The following CWC22 variants were observed in gnomAD, a reference collection of about 807,000 sequenced individuals.
The protein encoded by CWC22 is CWC22 spliceosome associated protein.
Under a neutral mutation model 117.2 loss-of-function variants are expected in CWC22, and 53 were observed. The observed-to-expected ratio is 0.45, with a 90% confidence interval of 0.36 to 0.57. The LOEUF (loss-of-function observed/expected upper bound fraction) is 0.57, where lower values mean the gene tolerates loss of function less well. Among genes scored for constraint, CWC22 ranks in the 20% least tolerant of loss-of-function variants. The pLI is 0.00. For missense variants in CWC22, 980 were observed against 1,068.8 expected (o/e 0.92, Z 1.16); for synonymous variants, 360 against 355.6 (o/e 1.01, Z -0.14).
intron 8 of CWC22, among the ~76,000 whole-genome samples, chr2:179,972,400 T>C (rs1006540273): frequency 1.6e-4 from 24 of 152,160 alleles, no homozygotes; most frequent in African/African-American, 5.8e-4. Flanking sequence ...AATAACAGCA[T>C]GATAAAATTA....
intron 1 of CWC22, among the ~76,000 whole-genome samples, chr2:180,005,370 G>A (rs1687945967): frequency 6.6e-6 from 1 of 152,184 alleles, no homozygotes; most frequent in African/African-American, 2.4e-5. Context: ...AAGGTCAGGA[G>A]ACAGACACCA....
In CWC22 at chr2:179,945,198, A is replaced by G; in HGVS notation, c.2658T>C (p.Ser886=). 1 of 1,613,566 alleles carries G rather than the reference A, an allele frequency of 6.2e-7. No homozygotes were observed. Among genetic ancestry groups the G allele is most frequent in the South Asian group, 1.1e-5 (1 of 91,016 alleles). ...TTTTCTTTGATTCTCTGGATTGTTC[A>G]GAGTATCTGCTAGATTTTTCCCATC... ...ERRWEKSSRY[S]EQSRESKKNQ... Residue 886 remains serine (S), a synonymous_variant, in exon 20 of 20, where the codon TCT becomes TCC. Coordinates refer to ENST00000410053, the MANE Select transcript of CWC22 (RefSeq NM_020943.3).
rs529010784 is a variant in CWC22, at chr2:179,983,041, C to T, written c.207-1044G>A. On this transcript the variant is annotated intron_variant, in intron 4 of 19. Coordinates refer to ENST00000410053, the MANE Select transcript of CWC22 (RefSeq NM_020943.3). ...TAAATATATAGTAATAAAACCTACA[C>T]GGAGATTGAAAAGCAGTCATCTTCC... 2.5e-3 allele frequency among the ~76,000 whole-genome samples: 385 copies of T among 152,182 alleles called. 1 individual carries two copies. Among genetic ancestry groups the T allele is most frequent in the Non-Finnish European group, 4.1e-3 (278 of 68,004 alleles).
rs902309007 is a variant in CWC22, at chr2:180,007,056, A to C, written c.-303T>G. The C allele has an allele frequency of 3.3e-5, 5 of 152,186 alleles. No individual in the cohort carries two copies. The highest frequency in any genetic ancestry group is 1.2e-4 in the African/African-American group (5 of 41,436). 9.4% of individuals were successfully genotyped at this position (152,186 alleles called of 1,614,324 possible). On this transcript the variant is annotated 5_prime_UTR_variant, in exon 1 of 20. Coordinates refer to ENST00000410053, the MANE Select transcript of CWC22 (RefSeq NM_020943.3). ...GTCTCTGCCTGCGGGGACTCCACGG[A>C]GTTCGATAATTACCTAGAGCTCCAC...
chr2:179,996,305 T>A (rs1671247021), intron 1 of CWC22, among the ~76,000 whole-genome samples: 1 of 152,122 alleles, frequency 6.6e-6, no homozygotes, highest in African/African-American at 2.4e-5. Context: ...TTTTAAAACA[T>A]ATGGAACGAT....
Position 179,986,779 on chromosome 2 carries a change from C to CG in CWC22, c.121dup (p.Arg41ProfsTer3). 1 of 1,595,550 alleles carries CG rather than the reference C, an allele frequency of 6.3e-7. No homozygotes were observed. Among genetic ancestry groups the CG allele is most frequent in the Non-Finnish European group, 8.5e-7 (1 of 1,171,932 alleles). On this transcript the variant is annotated frameshift_variant, in exon 4 of 20. Coordinates refer to ENST00000410053, the MANE Select transcript of CWC22 (RefSeq NM_020943.3). LOFTEE classifies it high-confidence loss of function. Reference sequence around the variant, plus strand: ...GCTGTAATCAAAGTAATCTCTATCCCGGGGGGATCGTTCTTGTTCTTCATA... The same window carrying CG: ...GCTGTAATCAAAGTAATCTCTATCCCGGGGGGGATCGTTCTTGTTCTTCATA...
At chr2:179,966,099 C>A in intron 11 of CWC22, 117 bp from the exon 12 acceptor site, 5 of 712,310 alleles carry the variant, frequency 7.0e-6, no homozygotes, top group Middle Eastern at 2.5e-4. Flanking sequence ...AGTTTGCTAG[C>A]CAACAAAGAT....
chr2:179,963,651 A>G (rs1686815634), intron 13 of CWC22, among the ~76,000 whole-genome samples: 2 of 151,952 alleles, frequency 1.3e-5, no homozygotes, highest in Admixed American at 6.6e-5. Flanking sequence ...CATATTTAAT[A>G]CTTTTTATGT....
intron 1 of CWC22, among the ~76,000 whole-genome samples, chr2:179,999,227 C>T (rs929622760): frequency 1.3e-5 from 2 of 152,252 alleles, no homozygotes; most frequent in East Asian, 3.9e-4. Flanking sequence ...CTAATACTTA[C>T]ACTAATCGGA....
intron 2 of CWC22, among the ~76,000 whole-genome samples, chr2:179,991,557 C>T (rs1479510300): frequency 6.6e-6 from 1 of 152,184 alleles, no homozygotes. Context: ...GGAGACCCAT[C>T]TGGGCCACAA....
intron 6 of CWC22, among the ~76,000 whole-genome samples, chr2:179,975,052 A>T (rs899496618): frequency 5.9e-5 from 9 of 152,162 alleles, no homozygotes; most frequent in Non-Finnish European, 1.2e-4. Context: ...TGGCCACTAC[A>T]TTCCATATTT....
chr2:179,988,522 C>T (rs1687476356), intron 3 of CWC22, 55 bp downstream of exon 3: 5 of 937,352 alleles, frequency 5.3e-6, no homozygotes, highest in African/African-American at 1.7e-5. Context: ...TAAATTATTA[C>T]ATAAACCTTA....
intron 13 of CWC22, among the ~76,000 whole-genome samples, chr2:179,960,582 G>T (rs1361802199): frequency 6.6e-6 from 1 of 151,832 alleles, no homozygotes. Flanking sequence ...TACTGATTTA[G>T]GTTTATACAC....
intron 5 of CWC22, among the ~76,000 whole-genome samples, chr2:179,981,123 G>C (rs1026243936): frequency 6.6e-6 from 1 of 152,166 alleles, no homozygotes; most frequent in Non-Finnish European, 1.5e-5. Flanking sequence ...ATAATTGCCA[G>C]CTTCAGTTTT....
At chr2:179,983,396 G>C (rs1337281421) in intron 4 of CWC22, among the ~76,000 whole-genome samples, 7 of 152,022 alleles carry the variant, frequency 4.6e-5, no homozygotes, top group Admixed American at 3.3e-4. Context: ...AGTTTGTTAA[G>C]GATAATGGCC....
intron 4 of CWC22, among the ~76,000 whole-genome samples, chr2:179,982,894 G>T (rs1306731721): frequency 6.6e-6 from 1 of 151,996 alleles, no homozygotes; most frequent in Non-Finnish European, 1.5e-5. Context: ...TTTGTGTTTT[G>T]GGTAACCATG....
At chr2:180,003,083 T>C (rs1481480532) in intron 1 of CWC22, among the ~76,000 whole-genome samples, 1 of 152,192 alleles carries the variant, frequency 6.6e-6, no homozygotes, top group Non-Finnish European at 1.5e-5. Context: ...TATAATGCCA[T>C]TTTGTCAACT....
chr2:179,971,839 T>C (rs1443284231), intron 8 of CWC22, among the ~76,000 whole-genome samples: 2 of 152,134 alleles, frequency 1.3e-5, no homozygotes, highest in Non-Finnish European at 2.9e-5. Flanking sequence ...AAATCTCAAC[T>C]CAGGAGATAT....
Position 179,993,357 on chromosome 2 carries a change from G to A in CWC22, c.-16C>T. On this transcript the variant is annotated 5_prime_UTR_variant, in exon 2 of 20. Coordinates refer to ENST00000410053, the MANE Select transcript of CWC22 (RefSeq NM_020943.3). The stretch of plus-strand genomic sequence containing the variant: ...TACTTTTCATTTTCTGTTGCCAGTT[G>A]GTCCAATAAATCAAAGATGCTTCAA... 1 of 1,558,930 alleles carries A rather than the reference G, an allele frequency of 6.4e-7. No individual in the cohort carries two copies. Among genetic ancestry groups the A allele is most frequent in the Non-Finnish European group, 8.7e-7 (1 of 1,148,358 alleles).
Sources: allele counts gnomAD v4.1 joint callset (sites outside exome capture counted in the v4.1 genomes callset), GRCh38; gene constraint gnomAD v4.1.1; transcripts MANE v1.5; gene names NCBI Gene and HGNC (gene_info 2026-07-23, HGNC 2026-07-21).